Variants in ANXA8 observed in about 807,000 individuals in gnomAD.
ANXA8 encodes the protein annexin A8, also known as VAC-beta.
ANXA8 carries 9 observed loss-of-function variants against 26.8 expected under a neutral mutation model. The ratio of observed to expected loss-of-function variants is 0.34; its 90% CI spans 0.20 to 0.59. The LOEUF is 0.59. Among genes scored for constraint, ANXA8 ranks in the 20% least tolerant of loss-of-function variants. The pLI is 0.84. For synonymous variants in ANXA8, 39 were observed against 94.8 expected, an observed-to-expected ratio of 0.41 and a Z score of 3.42; for missense variants, 83 against 238.5, an observed-to-expected ratio of 0.35 and a Z score of 4.29.
chr10:47,604,816 G>A, the ANXA8 span, among the ~76,000 whole-genome samples: 2 of 152,270 alleles, frequency 1.3e-5, no homozygotes, highest in Admixed American at 6.5e-5. Context: ...AAGTTTTGAG[G>A]AAGAGGGGAC....
chr10:47,951,667 T>C, the ANXA8 span, among the ~76,000 whole-genome samples: 106 of 150,094 alleles, frequency 7.1e-4, 8 homozygotes, highest in East Asian at 0.02. Flanking sequence ...AAAAATTAGC[T>C]GGGTGTGGTG....
the ANXA8 span, among the ~76,000 whole-genome samples, chr10:47,947,550 G>A: frequency 6.6e-6 from 1 of 150,478 alleles, no homozygotes; most frequent in African/African-American, 2.5e-5. Flanking sequence ...GGCCTGGGGG[G>A]AGATGATTAG....
chr10:47,576,710 A>C, the ANXA8 span, among the ~76,000 whole-genome samples: 14 of 149,860 alleles, frequency 9.3e-5, no homozygotes, highest in East Asian at 9.7e-4. Flanking sequence ...TGGAGAGACA[A>C]GGTCTCACCA....
At chr10:47,706,511 G>A in the ANXA8 span, 1 of 588,638 alleles carries the variant, frequency 1.7e-6, no homozygotes, top group Non-Finnish European at 3.0e-6. Flanking sequence ...ATGGCAAATT[G>A]TTGGATATGG....
chr10:47,587,725 C>T, the ANXA8 span, among the ~76,000 whole-genome samples: 1 of 146,642 alleles, frequency 6.8e-6, no homozygotes, highest in Non-Finnish European at 1.5e-5. Context: ...TATTTCATGG[C>T]ACCTGTGAAT....
At chr10:47,650,571 C>A in the ANXA8 span, among the ~76,000 whole-genome samples, 1 of 149,092 alleles carries the variant, frequency 6.7e-6, no homozygotes, top group South Asian at 2.1e-4. Context: ...CTTTGGGAGG[C>A]CAAGGTGGGC....
the ANXA8 span, among the ~76,000 whole-genome samples, chr10:47,950,088 AAGTTGGAGGGGCT>A: frequency 6.7e-6 from 1 of 149,588 alleles, no homozygotes; most frequent in Admixed American, 6.7e-5. Context: ...AATTATAACA[AAGTTGGAGGGGCT>A]AGTTAAATAT....
At chr10:47,491,572 C>T in the ANXA8 span, 32 of 1,499,960 alleles carry the variant, frequency 2.1e-5, 1 homozygote, top group Non-Finnish European at 2.9e-5. Context: ...ATCCCCCCAG[C>T]CCAGGTAGAA....
chr10:47,911,295 A>G, the ANXA8 span, among the ~76,000 whole-genome samples: 1 of 150,778 alleles, frequency 6.6e-6, no homozygotes, highest in Non-Finnish European at 1.5e-5. Context: ...TAATTTTTCT[A>G]TGCCATTTGA....
At chr10:47,665,149 G>A in the ANXA8 span, among the ~76,000 whole-genome samples, 1 of 148,948 alleles carries the variant, frequency 6.7e-6, no homozygotes, top group Admixed American at 6.6e-5. Flanking sequence ...CTAACTAGAA[G>A]TAGTATAGAA....
the ANXA8 span, among the ~76,000 whole-genome samples, chr10:47,749,532 A>G: frequency 7.0e-6 from 1 of 142,026 alleles, no homozygotes; most frequent in Non-Finnish European, 1.5e-5. Flanking sequence ...ATAGAGATTG[A>G]GTATTGTGAG....
chr10:47,628,215 GT>G, the ANXA8 span, among the ~76,000 whole-genome samples: 1 of 151,882 alleles, frequency 6.6e-6, no homozygotes, highest in Admixed American at 6.6e-5. Context: ...TTTTGCTAGT[GT>G]TTCACTTAAA....
the ANXA8 span, among the ~76,000 whole-genome samples, chr10:47,644,914 T>C: frequency 2.0e-5 from 3 of 151,682 alleles, no homozygotes; most frequent in Non-Finnish European, 2.9e-5. Context: ...AACCATTAAA[T>C]AATTTACCAA....
At chr10:47,626,727 T>C in the ANXA8 span, among the ~76,000 whole-genome samples, 1 of 150,336 alleles carries the variant, frequency 6.7e-6, no homozygotes, top group Non-Finnish European at 1.5e-5. Context: ...TAAAGTGTTT[T>C]GAAACATTAA....
the ANXA8 span, among the ~76,000 whole-genome samples, chr10:47,649,829 G>A: frequency 0.053 from 5,391 of 101,130 alleles, 238 homozygotes; most frequent in Middle Eastern, 0.13. Context: ...CTCTAGACTC[G>A]AGCGGTCCTC....
the ANXA8 span, chr10:47,549,419 A>T: frequency 5.3e-6 from 6 of 1,141,226 alleles, no homozygotes; most frequent in Non-Finnish European, 6.5e-6. Context: ...TACTTTAAAA[A>T]GACCCTGAAA....
At chr10:47,542,237 TC>T in the ANXA8 span, 8 of 532,580 alleles carry the variant, frequency 1.5e-5, no homozygotes, top group South Asian at 1.3e-4. Flanking sequence ...CTTGAAGCCA[TC>T]TTGGCATCAA....
At chr10:47,489,201 G>A in the ANXA8 span, among the ~76,000 whole-genome samples, 14 of 138,950 alleles carry the variant, frequency 1.0e-4, 1 homozygote, top group Admixed American at 7.4e-5. Context: ...TGTATTTTTA[G>A]TAGAGACGGG....
At chr10:47,575,146 T>C in the ANXA8 span, among the ~76,000 whole-genome samples, 20 of 134,542 alleles carry the variant, frequency 1.5e-4, no homozygotes, top group Admixed American at 3.1e-4. Flanking sequence ...AGAGGTTGCA[T>C]TGAGCTGAGA....
Sources: gnomAD v4.1 joint callset for allele counts (sites outside exome capture counted in the v4.1 genomes callset) on GRCh38, gnomAD v4.1.1 for gene constraint, MANE v1.5 for transcripts, NCBI Gene and HGNC (gene_info 2026-07-23, HGNC 2026-07-21) for gene names.